The following CACNA1C variants were observed in gnomAD, a reference collection of about 807,000 sequenced individuals.
CACNA1C encodes voltage-dependent L-type calcium channel subunit alpha-1C.
In CACNA1C, 30 loss-of-function variants were observed where a neutral mutation model predicts 229.0. The ratio of observed to expected loss-of-function variants is 0.13; its 90% confidence interval spans 0.10 to 0.18. The LOEUF is 0.18. Ranked by LOEUF, CACNA1C falls within the 10% of genes least tolerant of loss-of-function variation. The probability of loss-of-function intolerance (pLI) is 1.00; values close to 1 mark genes in which losing one functional copy is unlikely to be tolerated. For synonymous variants in CACNA1C, 1,114 were observed against 1,132.5 expected (o/e 0.98, Z 0.33); for missense variants, 1,658 against 2,845.0 (o/e 0.58, Z 9.49).
At chr12:2,648,876 A>T (rs1001948538) in intron 31 of CACNA1C, among the ~76,000 whole-genome samples, 27 of 152,134 alleles carry the variant, frequency 1.8e-4, no homozygotes, top group African/African-American at 6.5e-4. Flanking sequence ...GAGGGTACCT[A>T]TGAGAGCCAT....
chr12:2,616,193 G>C (rs1343565887), intron 29 of CACNA1C, among the ~76,000 whole-genome samples: 1 of 152,162 alleles, frequency 6.6e-6, no homozygotes, highest in Non-Finnish European at 1.5e-5. Context: ...TGGCCCCTCT[G>C]ACCCCCTGCT....
rs762503774 is a variant in CACNA1C, at chr12:2,567,723, C to A, written c.1824C>A (p.Thr608=). ...GGILETILVE[T]KIMSPLGISV... ...TCCTGGAGACCATCCTGGTGGAGAC[C>A]AAGATCATGTCCCCACTGGGCATCT... The change falls in exon 13 of 47, where the codon ACC becomes ACA. Residue 608 remains threonine (T), a synonymous_variant. Coordinates refer to ENST00000399655, the MANE Select transcript of CACNA1C (RefSeq NM_000719.7). 6 of 1,613,554 alleles carry A rather than the reference C, an allele frequency of 3.7e-6. No individual in the cohort carries two copies. Among genetic ancestry groups the A allele is most frequent in the Non-Finnish European group, 5.1e-6 (6 of 1,179,618 alleles).
Position 2,004,718 on chromosome 12 carries a change from C to A in CACNA1C, c.139+33517C>A. 3 of 450,408 alleles carry A rather than the reference C, an allele frequency of 6.7e-6. No individual in the cohort carries two copies. The South Asian group carries it at 9.5e-5, about 14-fold the overall frequency. The allele number at this position is 450,408 out of a possible 1,614,324, so 27.9% of individuals were successfully genotyped here. On this transcript the variant is annotated intron_variant, in intron 1 of 46. Transcript: ENST00000682462. ...AGAGCTGTTTTTCTACGCGCTCGAG[C>A]CTTTGAGCTGTGTGTGCGGTAGGAT...
chr12:2,578,711 G>A (rs2059451606), intron 13 of CACNA1C, among the ~76,000 whole-genome samples: 4 of 152,166 alleles, frequency 2.6e-5, no homozygotes, highest in Admixed American at 2.6e-4. Flanking sequence ...CCTTGAGACG[G>A]GGAAGGTGAT....
chr12:2,307,775 GC>G (rs2095158873), intron 3 of CACNA1C, among the ~76,000 whole-genome samples: 1 of 152,174 alleles, frequency 6.6e-6, no homozygotes, highest in Non-Finnish European at 1.5e-5. Flanking sequence ...AATTCCTATT[GC>G]TTAAGCCCAC....
intron 1 of CACNA1C, among the ~76,000 whole-genome samples, chr12:2,024,490 C>T (rs889416984): frequency 6.6e-6 from 1 of 152,206 alleles, no homozygotes; most frequent in African/African-American, 2.4e-5. Context: ...GAGTGTTGCC[C>T]TCCCTGCATG....
intron 1 of CACNA1C, among the ~76,000 whole-genome samples, chr12:2,043,421 ATGCTT>A (rs1452840204): frequency 3.3e-5 from 5 of 152,174 alleles, no homozygotes; most frequent in African/African-American, 1.2e-4. Context: ...GGGTTGATGG[ATGCTT>A]CTCTATCTTG....
chr12:2,633,412 C>T lies in CACNA1C; in HGVS notation c.3829-885C>T, dbSNP rs566615019. 5.9e-5 allele frequency among the ~76,000 whole-genome samples: 9 copies of T among 152,244 alleles called. No homozygotes were observed. In the East Asian group the frequency reaches 1.5e-3, roughly 26 times the overall value. On this transcript the variant is annotated intron_variant, in intron 29 of 46. Coordinates refer to ENST00000399655, the MANE Select transcript of CACNA1C (RefSeq NM_000719.7). The surrounding 1 kb of genome is among the most constrained non-coding windows in gnomAD (Gnocchi z 5.8). ...GGGTGGATCTGTAGGATGGGGGCCA[C>T]GTGACCGAGGGAATGCGGGCAGTAG... is the stretch of plus-strand genomic sequence containing the variant.
rs963707209 is a variant in CACNA1C at position 2,633,748 on chromosome 12, C to A, written c.3829-549C>A. 1 of 1,071,444 alleles carries A rather than the reference C, an allele frequency of 9.3e-7. No individual in the cohort carries two copies. Among genetic ancestry groups the A allele is most frequent in the Non-Finnish European group, 1.5e-6 (1 of 686,234 alleles). The allele number at this position is 1,071,444 out of a possible 1,614,324, so 66.4% of individuals were successfully genotyped here. ...CTCTGCCCTCCCCAGGAAACCTCCTCATTCCTCCTCCTCTGCCTCGTCTAT... is the reference window on the plus strand; with the variant it reads ...CTCTGCCCTCCCCAGGAAACCTCCTAATTCCTCCTCCTCTGCCTCGTCTAT... On this transcript the variant is annotated intron_variant, in intron 29 of 46. Coordinates refer to ENST00000399655, the MANE Select transcript of CACNA1C (RefSeq NM_000719.7). The surrounding 1 kb of genome is among the most constrained non-coding windows in gnomAD (Gnocchi z 5.8).
rs569647669 is a variant in CACNA1C, at chr12:2,186,998, T to C, written c.477+66568T>C. ...TGGCTGTGAGCACACCCGACCCCTT[T>C]CCTGTCCTGCTGCCCCCTTGCCTGT... On this transcript the variant is annotated intron_variant, in intron 3 of 46. Transcript: ENST00000399655. 1.2e-3 allele frequency among the ~76,000 whole-genome samples: 182 copies of C among 151,880 alleles called. 1 individual carries two copies. In the Middle Eastern group the frequency reaches 0.017, roughly 14 times the overall value.
chr12:2,453,447 C>A (rs932025050), intron 4 of CACNA1C, among the ~76,000 whole-genome samples: 4 of 152,180 alleles, frequency 2.6e-5, no homozygotes, highest in Non-Finnish European at 1.5e-5. Flanking sequence ...ATCCCACGCC[C>A]CTCTGTTGAA....
intron 3 of CACNA1C, among the ~76,000 whole-genome samples, chr12:2,151,439 C>T (rs1257503681): frequency 1.3e-5 from 2 of 151,474 alleles, no homozygotes; most frequent in African/African-American, 4.9e-5. Context: ...TTTTTATAGA[C>T]ATTTGCATTG....
intron 3 of CACNA1C, among the ~76,000 whole-genome samples, chr12:2,434,737 C>G (rs897356282): frequency 2.2e-4 from 33 of 152,202 alleles, no homozygotes; most frequent in African/African-American, 7.0e-4. Context: ...TCCAGCCGTT[C>G]TGAATGAAGT....
intron 3 of CACNA1C, among the ~76,000 whole-genome samples, chr12:2,312,873 A>G (rs2095508350): frequency 6.6e-6 from 1 of 152,142 alleles, no homozygotes; most frequent in Non-Finnish European, 1.5e-5. Context: ...AATTAGGTAA[A>G]TTTATTTAAC....
At chr12:2,017,831 G>A (rs924036061) in intron 1 of CACNA1C, among the ~76,000 whole-genome samples, 2 of 152,074 alleles carry the variant, frequency 1.3e-5, no homozygotes, top group Non-Finnish European at 2.9e-5. Flanking sequence ...TAATTAGGAA[G>A]GAGACAGAAG....
intron 1 of CACNA1C, among the ~76,000 whole-genome samples, chr12:1,989,550 C>A (rs2038806699): frequency 6.6e-6 from 1 of 152,178 alleles, no homozygotes; most frequent in Admixed American, 6.5e-5. Flanking sequence ...CCTGTCTCTA[C>A]TAAAAACACA....
intron 1 of CACNA1C, among the ~76,000 whole-genome samples, chr12:2,032,911 A>G (rs1240290810): frequency 6.6e-6 from 1 of 152,238 alleles, no homozygotes. Context: ...ACAAGTCAGG[A>G]AAGAGAACCT....
At chr12:2,194,131 C>T (rs890900220) in intron 3 of CACNA1C, among the ~76,000 whole-genome samples, 1 of 151,592 alleles carries the variant, frequency 6.6e-6, no homozygotes, top group Non-Finnish European at 1.5e-5. Flanking sequence ...CCTCCTCTGG[C>T]TCCTCCCACT....
chr12:2,610,497 C>A, intron 27 of CACNA1C, 44 bp from the exon 28 acceptor site: 2 of 1,579,534 alleles, frequency 1.3e-6, no homozygotes, highest in Non-Finnish European at 1.7e-6. Flanking sequence ...CCACACCCTC[C>A]AGTTAACTAA....
Sources: allele counts gnomAD v4.1 joint callset (sites outside exome capture counted in the v4.1 genomes callset), GRCh38; gene constraint gnomAD v4.1.1; non-coding constraint Gnocchi (gnomAD v3.1); transcripts MANE v1.5; gene names NCBI Gene and HGNC (gene_info 2026-07-23, HGNC 2026-07-21).